DNAI1: variants seen among roughly 807,000 people sequenced by gnomAD.
The protein encoded by DNAI1 is dynein, axonemal, intermediate polypeptide 1.
Under a neutral mutation model 92.0 loss-of-function variants are expected in DNAI1, and 67 were observed. That is an observed-to-expected ratio of 0.73 (90% CI 0.60 to 0.89). The LOEUF is 0.89. DNAI1 is among the 40% of genes least tolerant of loss of function. The probability of loss-of-function intolerance (pLI) is 0.00; values close to 1 mark genes in which losing one functional copy is unlikely to be tolerated. For missense variants in DNAI1, 839 were observed against 866.6 expected, an observed-to-expected ratio of 0.97 and a Z score of 0.40; for synonymous variants, 323 against 319.6, an observed-to-expected ratio of 1.01 and a Z score of -0.11.
chr9:34,482,975 A>G (rs754256795), intron 1 of DNAI1, among the ~76,000 whole-genome samples: 24 of 151,958 alleles, frequency 1.6e-4, no homozygotes, highest in Non-Finnish European at 3.2e-4. Flanking sequence ...CTGCTGGGGG[A>G]CTCAGTACAC....
rs2132089992 is a variant in DNAI1, at chr9:34,520,901, G to T, written c.*145G>T. 1.2e-6 allele frequency: 1 copy of T among 817,748 alleles called. No individual in the cohort carries two copies. Among genetic ancestry groups the T allele is most frequent in the Non-Finnish European group, 2.1e-6 (1 of 487,772 alleles). The allele number at this position is 817,748 out of a possible 1,614,324, so 50.7% of individuals were successfully genotyped here. A position where few individuals can be genotyped will look rare whatever the true frequency, so the allele number is the denominator to read the frequency against. ...CTTCCCTTCTTGTTCTGTTCCTTAA[G>T]GTCCCAGCACCTTACCCCAGGACTT... On this transcript the variant is annotated 3_prime_UTR_variant, in exon 20 of 20. Coordinates refer to ENST00000242317, the MANE Select transcript of DNAI1 (RefSeq NM_012144.4).
At chr9:34,465,854 CAG>C (rs764704866) in intron 1 of DNAI1, among the ~76,000 whole-genome samples, 1 of 152,236 alleles carries the variant, frequency 6.6e-6, no homozygotes, top group Non-Finnish European at 1.5e-5. Flanking sequence ...TGAGCACTGA[CAG>C]AGTTGTATGC....
At chr9:34,502,354 C>G (rs1455180296) in intron 12 of DNAI1, among the ~76,000 whole-genome samples, 2 of 152,210 alleles carry the variant, frequency 1.3e-5, no homozygotes, top group African/African-American at 4.8e-5. Flanking sequence ...TCCCCCTCTG[C>G]TGCAGCTACT....
chr9:34,506,739 C>T lies in DNAI1; in HGVS notation c.1176C>T (p.His392=), dbSNP rs1300176358. The T allele has an allele frequency of 1.5e-5, 25 of 1,614,086 alleles. 1 individual carries two copies. The Middle Eastern group carries it at 4.9e-4, about 32-fold the overall frequency. ...GCGGCGTCATGTGTCTCGACATCCA[C>T]GTGGACCACCCCTACCTGGTGGCAG... ...SNSGVMCLDI[H]VDHPYLVAVG... is the part of the protein sequence containing the mutation. Residue 392 remains histidine (H), a synonymous_variant, in exon 13 of 20, where the codon CAC becomes CAT. Coordinates refer to ENST00000242317, the MANE Select transcript of DNAI1 (RefSeq NM_012144.4).
In DNAI1 at chr9:34,513,000, G is replaced by C; in HGVS notation, c.1490-112G>C. The C allele has an allele frequency of 6.8e-6, 6 of 886,412 alleles. No individual in the cohort carries two copies. The South Asian group carries it at 7.9e-5, about 12-fold the overall frequency. 54.9% of individuals were successfully genotyped at this position (886,412 alleles called of 1,614,324 possible). A position where few individuals can be genotyped will look rare whatever the true frequency, so the allele number is the denominator to read the frequency against. On this transcript the variant is annotated intron_variant, in intron 15 of 19. Transcript: ENST00000242317. ...GGGGCCCTAGTTCAGTCTGTCCTGC[G>C]CTGAGTCCTGCGCTGAGAGTGCCTG...
chr9:34,483,401 T>C (rs1416571364), intron 1 of DNAI1, 47 bp from the exon 2 acceptor site: 5 of 1,586,060 alleles, frequency 3.2e-6, no homozygotes, highest in South Asian at 1.1e-5. Flanking sequence ...GATATTTCCA[T>C]GTCAATTTGC....
chr9:34,466,888 C>T (rs1222207726), intron 1 of DNAI1, among the ~76,000 whole-genome samples: 2 of 152,176 alleles, frequency 1.3e-5, no homozygotes, highest in Admixed American at 6.5e-5. Flanking sequence ...ACCTCTCTAC[C>T]TCACAAACAT....
chr9:34,504,851 G>A (rs1824894475), intron 12 of DNAI1, among the ~76,000 whole-genome samples: 1 of 152,168 alleles, frequency 6.6e-6, no homozygotes, highest in South Asian at 2.1e-4. Context: ...TAACACAAGG[G>A]GAATTTTTGT....
intron 13 of DNAI1, among the ~76,000 whole-genome samples, chr9:34,508,798 A>T (rs1476953431): frequency 6.6e-6 from 1 of 152,208 alleles, no homozygotes; most frequent in Non-Finnish European, 1.5e-5. Flanking sequence ...TCCCAAGAAG[A>T]CAGGAACTCA....
At position 34,499,304 on chromosome 9, in the gene DNAI1, A is replaced by G. The variant is rs529384192; in HGVS notation, c.902-1418A>G. ...CCCACAACCTCAAGGTATGGGCACT[A>G]TAGGAGATGTCAGGCCTGGGCATGT... On this transcript the variant is annotated intron_variant, in intron 10 of 19. Coordinates refer to ENST00000242317, the MANE Select transcript of DNAI1 (RefSeq NM_012144.4). 7.9e-5 allele frequency among the ~76,000 whole-genome samples: 12 copies of G among 152,368 alleles called. No individual in the cohort carries two copies. In the South Asian group the frequency reaches 2.5e-3, roughly 32 times the overall value.
At chr9:34,509,683 C>A (rs1422042954) in intron 13 of DNAI1, among the ~76,000 whole-genome samples, 1 of 152,028 alleles carries the variant, frequency 6.6e-6, no homozygotes, top group Non-Finnish European at 1.5e-5. Context: ...AGGGCAGGGG[C>A]AGTGGAGACA....
At chr9:34,471,566 G>A (rs1027031380) in intron 1 of DNAI1, among the ~76,000 whole-genome samples, 3 of 152,042 alleles carry the variant, frequency 2.0e-5, no homozygotes, top group African/African-American at 4.8e-5. Context: ...TCAGGAGTTC[G>A]AGATCAGCCT....
chr9:34,491,205 A>G, intron 7 of DNAI1: 1 of 503,466 alleles, frequency 2.0e-6, no homozygotes, highest in Non-Finnish European at 3.6e-6. Flanking sequence ...GGCATCCTGC[A>G]GGTCTGTTCA....
intron 12 of DNAI1, among the ~76,000 whole-genome samples, chr9:34,501,741 G>C (rs1234749458): frequency 6.6e-6 from 1 of 152,128 alleles, no homozygotes; most frequent in South Asian, 2.1e-4. Flanking sequence ...CCCCCTTCCT[G>C]CCTCCTCCTC....
At position 34,458,826 on chromosome 9, in the gene DNAI1, G is replaced by C; in HGVS notation, c.-180G>C. 3.0e-6 allele frequency: 2 copies of C among 671,392 alleles called. No homozygotes were observed. Among genetic ancestry groups the C allele is most frequent in the South Asian group, 3.2e-5 (2 of 62,220 alleles). 41.6% of individuals were successfully genotyped at this position (671,392 alleles called of 1,614,324 possible). On this transcript the variant is annotated 5_prime_UTR_variant, in exon 1 of 20. Transcript: ENST00000242317. This position sits in a 1 kb window ranked among gnomAD's most constrained non-coding sequence, Gnocchi z 6.6. ...GGTCGGTTGCTGGGTAACCGCGTCA[G>C]GGAGTTGGATTCTATCCTGCAAGGG...
intron 19 of DNAI1, 40 bp downstream of exon 19, chr9:34,517,507 G>A: frequency 6.2e-7 from 1 of 1,613,176 alleles, no homozygotes; most frequent in Non-Finnish European, 8.5e-7. Context: ...AAGACGTAAA[G>A]TCTCCAGGAG....
At position 34,503,010 on chromosome 9, in the gene DNAI1, C is replaced by G. The variant is rs139794224; in HGVS notation, c.1063+1829C>G. Among the ~76,000 whole-genome samples the G allele has an allele frequency of 5.9e-5, 9 of 152,276 alleles. No homozygotes were observed. The East Asian group carries it at 9.6e-4, about 16-fold the overall frequency. Reference sequence around the variant, plus strand: ...TGCTGATTTGTCTGTCATTCTTTCTCGTAGCTTTCCTGCAGTACCCTCAGG... The same window carrying G: ...TGCTGATTTGTCTGTCATTCTTTCTGGTAGCTTTCCTGCAGTACCCTCAGG... On this transcript the variant is annotated intron_variant, in intron 12 of 19. Coordinates refer to ENST00000242317, the MANE Select transcript of DNAI1 (RefSeq NM_012144.4).
Position 34,458,940 on chromosome 9 carries a change from CAAG to C in DNAI1, c.-65_-63del. On this transcript the variant is annotated 5_prime_UTR_variant, in exon 1 of 20. Transcript: ENST00000242317. The surrounding 1 kb of genome is among the most constrained non-coding windows in gnomAD (Gnocchi z 6.6). Reference sequence around the variant, plus strand: ...AGAGTCCAGATTTCTTGTGTGTGGTCAAGGAGACGGACAAACTTTTTGTCTTCA... The same window carrying C: ...AGAGTCCAGATTTCTTGTGTGTGGTCGAGACGGACAAACTTTTTGTCTTCA... 6.9e-7 allele frequency: 1 copy of C among 1,458,272 alleles called. No individual in the cohort carries two copies. Among genetic ancestry groups the C allele is most frequent in the Non-Finnish European group, 9.6e-7 (1 of 1,038,908 alleles). The allele number at this position is 1,458,272 out of a possible 1,614,324, so 90.3% of individuals were successfully genotyped here.
chr9:34,496,070 C>G (rs529870357), intron 9 of DNAI1, among the ~76,000 whole-genome samples: 1 of 152,312 alleles, frequency 6.6e-6, no homozygotes, highest in East Asian at 1.9e-4. Context: ...GGGTTAGACA[C>G]TAACATGTAT....
Sources: gnomAD v4.1 joint callset for allele counts (sites outside exome capture counted in the v4.1 genomes callset) on GRCh38, gnomAD v4.1.1 for gene constraint, Gnocchi (gnomAD v3.1) non-coding constraint, MANE v1.5 for transcripts, NCBI Gene and HGNC (gene_info 2026-07-23, HGNC 2026-07-21) for gene names.